Variants in LDLRAD3 observed in about 807,000 individuals in gnomAD.
The protein encoded by LDLRAD3 is low density lipoprotein receptor class A domain containing 3, also known as low-density lipoprotein receptor class A domain-containing protein 3.
A neutral mutation model predicts 29.4 loss-of-function variants in LDLRAD3; 20 were observed. That is an observed-to-expected ratio of 0.68 (90% CI 0.48 to 0.99). The LOEUF (loss-of-function observed/expected upper bound fraction) is 0.99, where lower values mean the gene tolerates loss of function less well. LDLRAD3 is among the 50% of genes least tolerant of loss of function. LDLRAD3 has a pLI of 0.00. For synonymous variants in LDLRAD3, 157 were observed against 192.7 expected, an observed-to-expected ratio of 0.81 and a Z score of 1.53; for missense variants, 420 against 454.3, an observed-to-expected ratio of 0.92 and a Z score of 0.69.
chr11:36,176,994 G>A (rs1854688489), intron 4 of LDLRAD3, among the ~76,000 whole-genome samples: 1 of 151,994 alleles, frequency 6.6e-6, no homozygotes, highest in South Asian at 2.1e-4. Flanking sequence ...ACTTCTTGGG[G>A]GCTTTGTTCA....
intron 1 of LDLRAD3, chr11:35,968,614 C>T (rs10768172): frequency 0.54 from 95,465 of 175,838 alleles, 28,661 homozygotes; most frequent in African/African-American, 0.83. Context: ...CCCTGCTTCC[C>T]TGTGCTTTCT....
At chr11:36,070,650 G>C (rs1852884839) in intron 2 of LDLRAD3, among the ~76,000 whole-genome samples, 1 of 152,156 alleles carries the variant, frequency 6.6e-6, no homozygotes, top group South Asian at 2.1e-4. Flanking sequence ...GTCAGAGCAG[G>C]ATGTTCACAT....
chr11:36,217,112 GAAGA>G (rs1179803007), intron 4 of LDLRAD3, among the ~76,000 whole-genome samples: 1 of 152,182 alleles, frequency 6.6e-6, no homozygotes, highest in African/African-American at 2.4e-5. Context: ...AGGAAGAGTA[GAAGA>G]AAGAGGTTCA....
At chr11:36,006,918 G>T (rs1291662222) in intron 1 of LDLRAD3, among the ~76,000 whole-genome samples, 1 of 152,190 alleles carries the variant, frequency 6.6e-6, no homozygotes, top group Non-Finnish European at 1.5e-5. Flanking sequence ...TAGCCCAAGA[G>T]GGAGGAAATG....
At chr11:36,161,617 C>T (rs992960614) in intron 4 of LDLRAD3, among the ~76,000 whole-genome samples, 1 of 152,006 alleles carries the variant, frequency 6.6e-6, no homozygotes, top group Admixed American at 6.6e-5. Flanking sequence ...GTACAACAAT[C>T]TTCAGAGGCC....
intron 1 of LDLRAD3, among the ~76,000 whole-genome samples, chr11:36,026,142 A>AT (rs767464703): frequency 2.0e-4 from 30 of 152,114 alleles, no homozygotes; most frequent in African/African-American, 6.3e-4. Flanking sequence ...TTAAAATAGT[A>AT]TTTTTTAAAC....
At chr11:36,132,688 C>T (rs1384884833) in intron 4 of LDLRAD3, among the ~76,000 whole-genome samples, 1 of 152,246 alleles carries the variant, frequency 6.6e-6, no homozygotes, top group Non-Finnish European at 1.5e-5. Context: ...CCTATCCATA[C>T]ATCACTTTTG....
intron 1 of LDLRAD3, among the ~76,000 whole-genome samples, chr11:35,963,834 C>A (rs1321823293): frequency 6.6e-6 from 1 of 152,184 alleles, no homozygotes; most frequent in Non-Finnish European, 1.5e-5. Context: ...GTTGGATATG[C>A]AGAACTTTCC....
intron 1 of LDLRAD3, among the ~76,000 whole-genome samples, chr11:35,986,809 ACT>A (rs761863695): frequency 2.0e-5 from 3 of 152,118 alleles, no homozygotes; most frequent in African/African-American, 4.8e-5. Context: ...GATGAGTATC[ACT>A]CTCTGCCACA....
At chr11:36,076,651 G>T (rs1387774725) in intron 2 of LDLRAD3, among the ~76,000 whole-genome samples, 2 of 152,158 alleles carry the variant, frequency 1.3e-5, no homozygotes, top group African/African-American at 2.4e-5. Context: ...CTCCCAAAGT[G>T]CTGGGATTAC....
chr11:36,042,178 T>C (rs1250183340), intron 2 of LDLRAD3, among the ~76,000 whole-genome samples: 1 of 152,110 alleles, frequency 6.6e-6, no homozygotes, highest in East Asian at 1.9e-4. Flanking sequence ...CTTTTTAGCA[T>C]CTGCCTCGTC....
At chr11:35,986,036 A>ATGTTGATGACTTTT (rs1203266097) in intron 1 of LDLRAD3, among the ~76,000 whole-genome samples, 1 of 152,006 alleles carries the variant, frequency 6.6e-6, no homozygotes, top group East Asian at 1.9e-4. Flanking sequence ...CGAGAGACTT[A>ATGTTGATGACTTTT]TGTTGATGAC....
chr11:36,076,329 A>C (rs1167041705), intron 2 of LDLRAD3, among the ~76,000 whole-genome samples: 2 of 151,190 alleles, frequency 1.3e-5, no homozygotes, highest in Admixed American at 6.6e-5. Flanking sequence ...TCAAATTTCC[A>C]TTGGAAATTT....
At chr11:36,085,354 T>TC (rs1214548768) in intron 3 of LDLRAD3, among the ~76,000 whole-genome samples, 1 of 151,874 alleles carries the variant, frequency 6.6e-6, no homozygotes, top group African/African-American at 2.4e-5. Context: ...AACTGTTTTT[T>TC]TTTTTTTGTC....
At chr11:36,162,897 AG>A (rs1854463488) in intron 4 of LDLRAD3, among the ~76,000 whole-genome samples, 1 of 152,198 alleles carries the variant, frequency 6.6e-6, no homozygotes, top group Non-Finnish European at 1.5e-5. Context: ...AGGGGGAAAC[AG>A]GGTTGTCGTT....
chr11:35,999,467 C>T (rs372351733), intron 1 of LDLRAD3, among the ~76,000 whole-genome samples: 5 of 152,170 alleles, frequency 3.3e-5, no homozygotes, highest in African/African-American at 4.8e-5. Context: ...TCTCCAGAAC[C>T]GAGCCTGCCC....
chr11:36,059,943 T>A (rs1852672917), intron 2 of LDLRAD3, among the ~76,000 whole-genome samples: 1 of 152,238 alleles, frequency 6.6e-6, no homozygotes, highest in South Asian at 2.1e-4. Flanking sequence ...AGTTTACACT[T>A]ATGTAATGGA....
At chr11:36,225,710 T>TA (rs113699622) in intron 4 of LDLRAD3, among the ~76,000 whole-genome samples, 14 of 147,364 alleles carry the variant, frequency 9.5e-5, no homozygotes, top group South Asian at 4.3e-4. Context: ...TTCTTCATCT[T>TA]AAAAAAAAAA....
chr11:36,146,451 T>C (rs936514849), intron 4 of LDLRAD3, among the ~76,000 whole-genome samples: 1 of 152,228 alleles, frequency 6.6e-6, no homozygotes, highest in Non-Finnish European at 1.5e-5. Context: ...TATAAGCTGC[T>C]TCTACATATC....
Sources: gnomAD v4.1 joint callset for allele counts (sites outside exome capture counted in the v4.1 genomes callset) on GRCh38, gnomAD v4.1.1 for gene constraint, MANE v1.5 for transcripts, NCBI Gene and HGNC (gene_info 2026-07-23, HGNC 2026-07-21) for gene names.